TTC6: variants seen among roughly 807,000 people sequenced by gnomAD.
TTC6 encodes tetratricopeptide repeat domain 6, also known as tetratricopeptide repeat protein 6.
Under a neutral mutation model 210.4 loss-of-function variants are expected in TTC6, and 172 were observed. The observed-to-expected ratio is 0.82, with a 90% confidence interval of 0.72 to 0.93. The LOEUF is 0.93. Ranked by LOEUF, TTC6 falls within the 40% of genes least tolerant of loss-of-function variation. TTC6 has a pLI of 0.00. For missense variants in TTC6, 2,414 were observed against 2,318.1 expected, an observed-to-expected ratio of 1.04 and a Z score of -0.85; for synonymous variants, 804 against 819.6, an observed-to-expected ratio of 0.98 and a Z score of 0.32.
At chr14:37,635,122 T>A (rs111602397) in intron 1 of TTC6, among the ~76,000 whole-genome samples, 1,910 of 152,336 alleles carry the variant, frequency 0.013, 22 homozygotes, top group Non-Finnish European at 0.019. Context: ...GCTAGAATTA[T>A]AACACTGTCT....
At chr14:37,603,376 G>C (rs1423835708) in intron 1 of TTC6, among the ~76,000 whole-genome samples, 3 of 152,202 alleles carry the variant, frequency 2.0e-5, no homozygotes, top group Non-Finnish European at 4.4e-5. Context: ...CTCACCCAGG[G>C]AAATGAGGAA....
intron 14 of TTC6, chr14:37,772,249 G>C (rs1256255792): frequency 6.5e-6 from 1 of 153,222 alleles, no homozygotes; most frequent in Admixed American, 6.5e-5. Context: ...GGTTACTGCT[G>C]TCTTTTAGTT....
intron 1 of TTC6, among the ~76,000 whole-genome samples, chr14:37,650,325 T>C (rs921746285): frequency 6.6e-6 from 1 of 152,212 alleles, no homozygotes; most frequent in African/African-American, 2.4e-5. Flanking sequence ...TTGAATTCTT[T>C]TGTTTCATTT....
chr14:37,785,184 G>T (rs977933910), intron 14 of TTC6, among the ~76,000 whole-genome samples: 1 of 152,096 alleles, frequency 6.6e-6, no homozygotes, highest in Non-Finnish European at 1.5e-5. Context: ...GCTAGGTTGG[G>T]GAAGTTCTCC....
chr14:37,757,572 C>A (rs2095971878), intron 14 of TTC6, among the ~76,000 whole-genome samples: 1 of 151,956 alleles, frequency 6.6e-6, no homozygotes, highest in Admixed American at 6.6e-5. Context: ...TGCGCCTGGC[C>A]TTCTTCTTTA....
In TTC6 at chr14:37,682,975, A is replaced by G. The variant is rs1458570786; in HGVS notation, c.1257+11A>G. 3 of 1,533,376 alleles carry G rather than the reference A, an allele frequency of 2.0e-6. No homozygotes were observed. The highest frequency in any genetic ancestry group is 1.7e-6 in the Non-Finnish European group (2 of 1,144,892). 95.0% of individuals were successfully genotyped at this position (1,533,376 alleles called of 1,614,324 possible). A position where few individuals can be genotyped will look rare whatever the true frequency, so the allele number is the denominator to read the frequency against. On this transcript the variant is annotated intron_variant, in intron 3 of 30. Transcript: ENST00000553443. ...TGGGTGTCTTTAACGGTAAGAAACT[A>G]TTTATGTTGGAAACACCTAAGAGTT... is the stretch of plus-strand genomic sequence containing the variant.
chr14:37,701,310 C>T, intron 4 of TTC6, 22 bp from the exon 7 acceptor site: 3 of 1,357,588 alleles, frequency 2.2e-6, no homozygotes, highest in Non-Finnish European at 2.8e-6. Context: ...GAAAGGAGCT[C>T]ACTTTCTTTT....
At chr14:37,699,387 T>C (rs2095820598) in intron 4 of TTC6, among the ~76,000 whole-genome samples, 1 of 152,240 alleles carries the variant, frequency 6.6e-6, no homozygotes, top group Non-Finnish European at 1.5e-5. Context: ...GACTTGCTTA[T>C]GACCAAGTGA....
intron 3 of TTC6, among the ~76,000 whole-genome samples, chr14:37,692,144 A>G (rs531991853): frequency 7.4e-6 from 1 of 135,170 alleles, no homozygotes; most frequent in African/African-American, 2.7e-5. Context: ...CTAGAAGGGA[A>G]TGCTTCCAAA....
chr14:37,717,068 A>T (rs1227167801), intron 6 of TTC6, among the ~76,000 whole-genome samples: 5 of 152,070 alleles, frequency 3.3e-5, no homozygotes, highest in African/African-American at 1.2e-4. Flanking sequence ...ACATATCAAA[A>T]TTTGTGGGAC....
chr14:37,760,447 G>C (rs1450563744), intron 14 of TTC6, among the ~76,000 whole-genome samples: 1 of 152,178 alleles, frequency 6.6e-6, no homozygotes, highest in Non-Finnish European at 1.5e-5. Flanking sequence ...CCCCTGTTGG[G>C]AGGTCTCTCC....
intron 14 of TTC6, among the ~76,000 whole-genome samples, chr14:37,762,354 CTGGACCATA>C (rs1353297511): frequency 6.6e-6 from 1 of 152,144 alleles, no homozygotes; most frequent in Non-Finnish European, 1.5e-5. Context: ...AAGTGGATTG[CTGGACCATA>C]TGGTGACTCT....
intron 1 of TTC6, among the ~76,000 whole-genome samples, chr14:37,641,667 T>G (rs1566858549): frequency 6.6e-6 from 1 of 152,256 alleles, no homozygotes; most frequent in Admixed American, 6.5e-5. Context: ...TTAGTTTATC[T>G]TATTGAAACT....
chr14:37,820,929 TCTC>T (rs2096154538), intron 26 of TTC6, among the ~76,000 whole-genome samples: 2 of 139,148 alleles, frequency 1.4e-5, no homozygotes, highest in South Asian at 4.7e-4. Flanking sequence ...TCCTCCTTCT[TCTC>T]CTCCTCCTTC....
chr14:37,831,668 T>C (rs2096185615), intron 29 of TTC6, among the ~76,000 whole-genome samples: 1 of 152,150 alleles, frequency 6.6e-6, no homozygotes. Flanking sequence ...TAATACCTTA[T>C]TGTGGTTTTG....
At chr14:37,674,739 G>A (rs573696861) in intron 1 of TTC6, among the ~76,000 whole-genome samples, 1 of 152,198 alleles carries the variant, frequency 6.6e-6, no homozygotes, top group East Asian at 1.9e-4. Flanking sequence ...ATTTCCTAAT[G>A]TTGAATAAAG....
intron 29 of TTC6, among the ~76,000 whole-genome samples, chr14:37,834,496 C>G (rs2096193283): frequency 6.6e-6 from 1 of 152,028 alleles, no homozygotes; most frequent in African/African-American, 2.4e-5. Context: ...TTATTGCATT[C>G]ATTGAATTCT....
intron 5 of TTC6, among the ~76,000 whole-genome samples, chr14:37,707,635 C>T (rs1595132749): frequency 1.3e-5 from 2 of 152,174 alleles, no homozygotes; most frequent in Non-Finnish European, 2.9e-5. Context: ...CAGAATCTTT[C>T]TAAAATATTT....
chr14:37,802,261 A>G (rs910671587), intron 20 of TTC6: 2 of 152,184 alleles, frequency 1.3e-5, no homozygotes, highest in Non-Finnish European at 2.9e-5. Context: ...GAGACAGAGC[A>G]TTAGGAAAAA....
Sources: allele counts gnomAD v4.1 joint callset (sites outside exome capture counted in the v4.1 genomes callset), GRCh38; gene constraint gnomAD v4.1.1; transcripts MANE v1.5; gene names NCBI Gene and HGNC (gene_info 2026-07-23, HGNC 2026-07-21).